The following ATP2C2 variants were observed in gnomAD, a reference collection of about 807,000 sequenced individuals.
ATP2C2 encodes calcium-transporting ATPase type 2C member 2.
A neutral mutation model predicts 110.8 loss-of-function variants in ATP2C2; 171 were observed. The ratio of observed to expected loss-of-function variants is 1.54; its 90% CI spans 1.36 to 1.75. ATP2C2 has a LOEUF of 1.75. ATP2C2 is among the 40% of genes most tolerant of loss of function. ATP2C2 has a pLI of 0.00. For missense variants in ATP2C2, 1,963 were observed against 1,235.0 expected (o/e 1.59, Z -8.84); for synonymous variants, 804 against 508.4 (o/e 1.58, Z -7.82).
At chr16:84,395,358 T>C (rs945210874) in intron 1 of ATP2C2, among the ~76,000 whole-genome samples, 2 of 152,004 alleles carry the variant, frequency 1.3e-5, no homozygotes, top group African/African-American at 4.8e-5. Flanking sequence ...CCCAGGGACA[T>C]GTGGGTGGAC....
At chr16:84,370,625 A>G (rs1909897460) in intron 1 of ATP2C2, among the ~76,000 whole-genome samples, 1 of 151,598 alleles carries the variant, frequency 6.6e-6, no homozygotes, top group African/African-American at 2.4e-5. Flanking sequence ...AGGGTTTGGA[A>G]AGGAGGCGAT....
In ATP2C2 at chr16:84,461,802, G is replaced by T. The variant is rs200271197; in HGVS notation, c.2570G>T (p.Cys857Phe). ...TTCGATCTCTTCAACGCCTTGACCTGCCGCTCTCAGGTGAGACCCGGGCTG... is the reference window on the plus strand; with the variant it reads ...TTCGATCTCTTCAACGCCTTGACCTTCCGCTCTCAGGTGAGACCCGGGCTG... ...VFFDLFNALT[C>F]RSQTKLIFEI... Residue 857 changes from cysteine to phenylalanine, a missense_variant, in exon 25 of 27, where the codon TGC (cysteine) becomes TTC (phenylalanine). Transcript: ENST00000262429. The T allele has an allele frequency of 1.7e-5, 28 of 1,614,082 alleles. No individual in the cohort carries two copies. The Admixed American group carries it at 2.3e-4, about 13-fold the overall frequency.
intron 24 of ATP2C2, 34 bp from the exon 25 acceptor site, chr16:84,461,680 C>G: frequency 6.3e-7 from 1 of 1,587,536 alleles, no homozygotes; most frequent in Non-Finnish European, 8.7e-7. Flanking sequence ...TGTCTCTTCC[C>G]GCCTAACCTC....
chr16:84,405,167 C>G lies in ATP2C2; in HGVS notation c.250C>G (p.Gln84Glu). The change falls in exon 3 of 27, where the codon CAG (glutamine) becomes GAG (glutamate). Residue 84 changes from glutamine (Q) to glutamate (E), a missense_variant. Physicochemically the swap from Gln to Glu is conservative, Grantham distance 29. Transcript: ENST00000262429. ...HTGLSEFSVT[Q>E]RRLAHGWNEF... The stretch of plus-strand genomic sequence containing the variant: ...TGGGCTGTCGGAGTTCTCGGTGACG[C>G]AGCGCCGGCTGGCCCATGGCTGGAA... 1 of 1,613,910 alleles carries G rather than the reference C, an allele frequency of 6.2e-7. No homozygotes were observed. Among genetic ancestry groups the G allele is most frequent in the Non-Finnish European group, 8.5e-7 (1 of 1,180,000 alleles).
chr16:84,413,889 G>A (rs1467543321), intron 6 of ATP2C2, among the ~76,000 whole-genome samples: 2 of 152,126 alleles, frequency 1.3e-5, no homozygotes, highest in Non-Finnish European at 2.9e-5. Flanking sequence ...TTATACAAGT[G>A]GAAGAAATGG....
chr16:84,447,561 CT>C, intron 16 of ATP2C2, among the ~76,000 whole-genome samples: 1 of 149,754 alleles, frequency 6.7e-6, no homozygotes, highest in African/African-American at 2.5e-5. Context: ...GTGTAATTTG[CT>C]TTTTCCCCCT....
intron 1 of ATP2C2, among the ~76,000 whole-genome samples, chr16:84,382,987 C>T (rs1910672890): frequency 6.6e-6 from 1 of 152,072 alleles, no homozygotes; most frequent in African/African-American, 2.4e-5. Context: ...CAAAAGCAGC[C>T]TCAGAAGAGA....
chr16:84,388,958 G>C (rs1228621067), intron 1 of ATP2C2, among the ~76,000 whole-genome samples: 1 of 152,080 alleles, frequency 6.6e-6, no homozygotes, highest in East Asian at 1.9e-4. Context: ...TTTTAGTAGA[G>C]ATGGGGTTTC....
chr16:84,370,510 G>A (rs1909890828), intron 1 of ATP2C2, among the ~76,000 whole-genome samples: 1 of 152,152 alleles, frequency 6.6e-6, no homozygotes, highest in African/African-American at 2.4e-5. Flanking sequence ...GAGGTGGGGA[G>A]GCCGGGTGGC....
intron 1 of ATP2C2, among the ~76,000 whole-genome samples, chr16:84,369,125 A>G (rs1909803602): frequency 6.6e-6 from 1 of 152,252 alleles, no homozygotes; most frequent in South Asian, 2.1e-4. Flanking sequence ...TGCAAAAAAC[A>G]AAAGATTGCT....
intron 1 of ATP2C2, among the ~76,000 whole-genome samples, chr16:84,394,619 C>T (rs1904860605): frequency 2.0e-5 from 3 of 152,080 alleles, no homozygotes; most frequent in Admixed American, 2.0e-4. Context: ...CTCAAGGAGT[C>T]AGGAGGGCTG....
At chr16:84,436,107 T>C (rs11649191) in intron 11 of ATP2C2, among the ~76,000 whole-genome samples, 2 of 152,078 alleles carry the variant, frequency 1.3e-5, no homozygotes, top group African/African-American at 4.8e-5. Context: ...CCAGCCTGGG[T>C]GACAGAGTGA....
At position 84,405,142 on chromosome 16, in the gene ATP2C2, T is replaced by C. The variant is rs766439258; in HGVS notation, c.225T>C (p.Thr75=). ...TCTCCTTCCAGGTGGACTTACACAC[T>C]GGGCTGTCGGAGTTCTCGGTGACGC... The part of the protein sequence containing the change: ...LARAFCVDLH[T]GLSEFSVTQR... The change falls in exon 3 of 27, where the codon ACT becomes ACC. Residue 75 remains threonine, a synonymous_variant. Coordinates refer to ENST00000262429, the MANE Select transcript of ATP2C2 (RefSeq NM_014861.4). The C allele has an allele frequency of 6.2e-7, 1 of 1,613,860 alleles. No homozygotes were observed. Among genetic ancestry groups the C allele is most frequent in the East Asian group, 2.2e-5 (1 of 44,858 alleles).
At chr16:84,419,903 G>C (rs1174859861) in intron 7 of ATP2C2, among the ~76,000 whole-genome samples, 1 of 152,206 alleles carries the variant, frequency 6.6e-6, no homozygotes, top group Non-Finnish European at 1.5e-5. Flanking sequence ...CCAAATGGGA[G>C]AGACTTGCCT....
intron 1 of ATP2C2, among the ~76,000 whole-genome samples, chr16:84,369,890 T>G (rs1462552067): frequency 6.6e-6 from 1 of 152,246 alleles, no homozygotes; most frequent in Non-Finnish European, 1.5e-5. Context: ...TCGATTTTTC[T>G]GAAGTGGCAT....
chr16:84,441,019 C>A, intron 14 of ATP2C2, 61 bp downstream of exon 14: 1 of 1,365,058 alleles, frequency 7.3e-7, no homozygotes, highest in South Asian at 1.2e-5. Flanking sequence ...TGGGGCTCCT[C>A]TCTGAAAAGG....
At chr16:84,439,637 G>T in intron 13 of ATP2C2, 113 bp downstream of exon 13, 1 of 1,051,936 alleles carries the variant, frequency 9.5e-7, no homozygotes, top group South Asian at 1.4e-5. Flanking sequence ...ATAAATTGGG[G>T]TCATCTTATA....
rs201482780 is a variant in ATP2C2, at chr16:84,459,399, C to T, written c.2333+13C>T. ...CACCGGCGCAGAGGTGAGGCAGGGCCGGCTGGGAGCCCTGTGTCTCTTTAC... is the reference window on the plus strand; with the variant it reads ...CACCGGCGCAGAGGTGAGGCAGGGCTGGCTGGGAGCCCTGTGTCTCTTTAC... On this transcript the variant is annotated intron_variant, in intron 23 of 26. Transcript: ENST00000262429. 31 of 1,611,878 alleles carry T rather than the reference C, an allele frequency of 1.9e-5. No homozygotes were observed. The highest frequency in any genetic ancestry group is 1.1e-4 in the East Asian group (5 of 44,858).
rs935938924 is a variant in ATP2C2 at position 84,415,603 on chromosome 16, C to G, written c.624+12C>G. 6.3e-7 allele frequency: 1 copy of G among 1,599,252 alleles called. No homozygotes were observed. The highest frequency in any genetic ancestry group is 1.1e-5 in the South Asian group (1 of 89,528). On this transcript the variant is annotated intron_variant, in intron 7 of 26. Transcript: ENST00000262429. The stretch of plus-strand genomic sequence containing the variant: ...TCCGACTCACTGAGGTGAGTGGTTC[C>G]AAACCCTTGTCAATGGGGTATTTGA...
Sources: allele counts gnomAD v4.1 joint callset (sites outside exome capture counted in the v4.1 genomes callset), GRCh38; gene constraint gnomAD v4.1.1; transcripts MANE v1.5; gene names NCBI Gene and HGNC (gene_info 2026-07-23, HGNC 2026-07-21).